PLA2G6: variants seen among roughly 807,000 people sequenced by gnomAD.
The protein encoded by PLA2G6 is phospholipase A2 group VI.
A neutral mutation model predicts 83.8 loss-of-function variants in PLA2G6; 62 were observed. That is an observed-to-expected ratio of 0.74 (90% CI 0.60 to 0.91). The LOEUF (loss-of-function observed/expected upper bound fraction) is 0.91, where lower values mean the gene tolerates loss of function less well. PLA2G6 is among the 40% of genes least tolerant of loss of function. The pLI, the probability that PLA2G6 is intolerant of heterozygous loss-of-function variation, is 0.00. For missense variants in PLA2G6, 944 were observed against 1,102.0 expected (o/e 0.86, Z 2.03); for synonymous variants, 417 against 449.8 (o/e 0.93, Z 0.92).
intron 11 of PLA2G6, among the ~76,000 whole-genome samples, chr22:38,121,751 A>G (rs1305308076): frequency 6.6e-6 from 1 of 152,130 alleles, no homozygotes; most frequent in Non-Finnish European, 1.5e-5. Flanking sequence ...GTCCCTGAAG[A>G]AGGACGTGGC....
Position 38,126,396 on chromosome 22 carries a change from C to T in PLA2G6, c.1402G>A (p.Gly468Ser), listed in dbSNP as rs775557315. The T allele has an allele frequency of 6.2e-7, 1 of 1,613,742 alleles. No individual in the cohort carries two copies. The highest frequency in any genetic ancestry group is 1.3e-5 in the African/African-American group (1 of 75,022). ...SRARKPAFIL[G>S]SMRDEKRTHD... ...GTCCGCTTCTCGTCCCTCATGGAGCCCAGGATGAACGCTGGCTTCCGGGCC... is the reference window on the plus strand; with the variant it reads ...GTCCGCTTCTCGTCCCTCATGGAGCTCAGGATGAACGCTGGCTTCCGGGCC... The change falls in exon 10 of 17, where the codon GGC (glycine) becomes AGC (serine). Residue 468 changes from glycine to serine, a missense_variant. By Grantham distance (56) the Gly-to-Ser change is moderately conservative (BLOSUM62 0). Transcript: ENST00000332509.
chr22:38,161,212 G>A (rs1442723796), intron 2 of PLA2G6, among the ~76,000 whole-genome samples: 1 of 152,148 alleles, frequency 6.6e-6, no homozygotes, highest in Non-Finnish European at 1.5e-5. Flanking sequence ...TACAGACTGG[G>A]AGGCTTAAAC....
chr22:38,112,870 A>C, intron 15 of PLA2G6: 1 of 555,896 alleles, frequency 1.8e-6, no homozygotes, highest in South Asian at 2.1e-5. Flanking sequence ...CCTCTCCCTG[A>C]AGTTTCCCTC....
At chr22:38,177,220 T>C (rs1446476878) in intron 1 of PLA2G6, among the ~76,000 whole-genome samples, 5 of 151,956 alleles carry the variant, frequency 3.3e-5, no homozygotes, top group Non-Finnish European at 7.4e-5. Context: ...AGGTGCTCAA[T>C]CTGTGGGTGA....
chr22:38,151,371 C>T (rs1282508731), intron 2 of PLA2G6, among the ~76,000 whole-genome samples: 4 of 151,998 alleles, frequency 2.6e-5, no homozygotes, highest in African/African-American at 9.7e-5. Flanking sequence ...CTCAGCCTCC[C>T]GAGTAGCAGG....
Position 38,112,075 on chromosome 22 carries a change from T to C in PLA2G6, c.*86A>G, listed in dbSNP as rs1425690564. 4 of 1,467,548 alleles carry C rather than the reference T, an allele frequency of 2.7e-6. No individual in the cohort carries two copies. The East Asian group carries it at 9.9e-5, about 36-fold the overall frequency. 90.9% of individuals were successfully genotyped at this position (1,467,548 alleles called of 1,614,324 possible). On this transcript the variant is annotated 3_prime_UTR_variant, in exon 17 of 17. Coordinates refer to ENST00000332509, the MANE Select transcript of PLA2G6 (RefSeq NM_003560.4). ...GGACTCAGAGGTGCCTGGGCCCAGATCTGCCCGGGAGGGCAGTGGCTGGGC... is the reference window on the plus strand; with the variant it reads ...GGACTCAGAGGTGCCTGGGCCCAGACCTGCCCGGGAGGGCAGTGGCTGGGC...
intron 11 of PLA2G6, chr22:38,121,146 G>A (rs1380720029): frequency 2.1e-6 from 1 of 474,504 alleles, no homozygotes; most frequent in Non-Finnish European, 3.9e-6. Flanking sequence ...GGGAGGCTGA[G>A]GCAGGTGGAT....
chr22:38,162,784 C>G (rs946084053), intron 2 of PLA2G6, among the ~76,000 whole-genome samples: 1 of 152,132 alleles, frequency 6.6e-6, no homozygotes, highest in African/African-American at 2.4e-5. Context: ...CCCTACCCCA[C>G]CTCCAGGCCC....
At chr22:38,155,370 T>C (rs1009416834) in intron 2 of PLA2G6, among the ~76,000 whole-genome samples, 1 of 152,186 alleles carries the variant, frequency 6.6e-6, no homozygotes, top group African/African-American at 2.4e-5. Context: ...CAGAACTTAA[T>C]GGTAATAGCA....
chr22:38,159,542 A>C (rs1404307135), intron 2 of PLA2G6, among the ~76,000 whole-genome samples: 1 of 152,158 alleles, frequency 6.6e-6, no homozygotes, highest in Non-Finnish European at 1.5e-5. Context: ...CAGCCTGGGT[A>C]ACTTGATGAG....
At chr22:38,180,436 A>G (rs1305671960) in intron 1 of PLA2G6, 1 of 152,224 alleles carries the variant, frequency 6.6e-6, no homozygotes, top group Non-Finnish European at 1.5e-5. Flanking sequence ...AAGTGAGAAT[A>G]TCATTGGCCA....
At chr22:38,160,889 C>G (rs1014972382) in intron 2 of PLA2G6, among the ~76,000 whole-genome samples, 4 of 152,118 alleles carry the variant, frequency 2.6e-5, no homozygotes, top group African/African-American at 9.7e-5. Context: ...ATTGGTTACC[C>G]TTCTTTGGGA....
Position 38,134,997 on chromosome 22 carries a change from C to T in PLA2G6, c.885G>A (p.Lys295=). Residue 295 remains lysine, a synonymous_variant, in exon 6 of 17, where the codon AAG becomes AAA. Transcript: ENST00000332509. ...RYGASPLHWA[K]NAEMARMLLK... ...CTCAGGATCCACTCACCTCTGCGTT[C>T]TTGGCCCAGTGGAGGGGGCTGGCTC... 1 of 945,718 alleles carries T rather than the reference C, an allele frequency of 1.1e-6. No individual in the cohort carries two copies. The highest frequency in any genetic ancestry group is 1.6e-6 in the Non-Finnish European group (1 of 637,572). The allele number at this position is 945,718 out of a possible 1,614,324, so 58.6% of individuals were successfully genotyped here. A position where few individuals can be genotyped will look rare whatever the true frequency, so the allele number is the denominator to read the frequency against.
intron 1 of PLA2G6, among the ~76,000 whole-genome samples, chr22:38,181,437 AAAGAG>A (rs958570605): frequency 7.9e-5 from 12 of 152,064 alleles, no homozygotes; most frequent in Admixed American, 6.5e-4. Flanking sequence ...AGGGTCGGGG[AAAGAG>A]AAGAGATGGA....
intron 12 of PLA2G6, among the ~76,000 whole-genome samples, chr22:38,117,377 T>C (rs1394945955): frequency 6.6e-6 from 1 of 152,028 alleles, no homozygotes; most frequent in Non-Finnish European, 1.5e-5. Flanking sequence ...CCGGCTAATT[T>C]TTTGTATTTT....
intron 14 of PLA2G6, among the ~76,000 whole-genome samples, chr22:38,114,585 G>A (rs1047452337): frequency 2.0e-5 from 3 of 152,202 alleles, no homozygotes; most frequent in Admixed American, 6.5e-5. Context: ...CCATCCGCAC[G>A]CAATAGGAGA....
chr22:38,121,743 C>A (rs1232813852), intron 11 of PLA2G6, among the ~76,000 whole-genome samples: 1 of 152,202 alleles, frequency 6.6e-6, no homozygotes, highest in Non-Finnish European at 1.5e-5. Flanking sequence ...AAGAAATGGT[C>A]CCTGAAGAAG....
chr22:38,112,103 G>C lies in PLA2G6; in HGVS notation c.*58C>G. On this transcript the variant is annotated 3_prime_UTR_variant, in exon 17 of 17. Transcript: ENST00000332509. Reference sequence around the variant, plus strand: ...GCCCGGGAGGGCAGTGGCTGGGCTTGGCCTGGCAGGGGCTGAATGGACGAG... The same window carrying C: ...GCCCGGGAGGGCAGTGGCTGGGCTTCGCCTGGCAGGGGCTGAATGGACGAG... 3 of 1,545,296 alleles carry C rather than the reference G, an allele frequency of 1.9e-6. No homozygotes were observed. The highest frequency in any genetic ancestry group is 1.8e-6 in the Non-Finnish European group (2 of 1,142,376).
chr22:38,172,522 T>C (rs2090473709), intron 1 of PLA2G6, among the ~76,000 whole-genome samples: 2 of 152,222 alleles, frequency 1.3e-5, no homozygotes. Context: ...GGGCTTTTGT[T>C]TTTTCCTTTT....
Sources: gnomAD v4.1 joint callset for allele counts (sites outside exome capture counted in the v4.1 genomes callset) on GRCh38, gnomAD v4.1.1 for gene constraint, MANE v1.5 for transcripts, NCBI Gene and HGNC (gene_info 2026-07-23, HGNC 2026-07-21) for gene names.